The following EYA1 variants were observed in gnomAD, a reference collection of about 807,000 sequenced individuals.
The protein encoded by EYA1 is protein phosphatase EYA1.
EYA1 carries 16 observed loss-of-function variants against 82.0 expected under a neutral mutation model. That is an observed-to-expected ratio of 0.20 (90% CI 0.13 to 0.30). The LOEUF (loss-of-function observed/expected upper bound fraction) is 0.30, where lower values mean the gene tolerates loss of function less well. Ranked by LOEUF, EYA1 falls within the 10% of genes least tolerant of loss-of-function variation. The probability of loss-of-function intolerance (pLI) is 1.00; values close to 1 mark genes in which losing one functional copy is unlikely to be tolerated. For missense variants in EYA1, 633 were observed against 730.7 expected (o/e 0.87, Z 1.54); for synonymous variants, 261 against 264.4 (o/e 0.99, Z 0.12).
chr8:71,375,662 C>T (rs948207901), intron 2 of EYA1, among the ~76,000 whole-genome samples: 4 of 151,992 alleles, frequency 2.6e-5, no homozygotes, highest in Non-Finnish European at 4.4e-5. Context: ...GAGTTTTGTT[C>T]TTGTCGTCCA....
intron 3 of EYA1, among the ~76,000 whole-genome samples, chr8:71,343,489 A>T (rs1310203873): frequency 6.6e-6 from 1 of 152,144 alleles, no homozygotes; most frequent in Non-Finnish European, 1.5e-5. Flanking sequence ...AGGAGAGGGA[A>T]ACTGGCGGCT....
intron 9 of EYA1, among the ~76,000 whole-genome samples, chr8:71,282,888 C>A (rs1296378027): frequency 6.6e-6 from 1 of 151,152 alleles, no homozygotes; most frequent in Non-Finnish European, 1.5e-5. Context: ...ACAGACAGCT[C>A]AAACTTCACA....
chr8:71,278,559 C>T (rs945469796), intron 9 of EYA1, among the ~76,000 whole-genome samples: 5 of 152,162 alleles, frequency 3.3e-5, no homozygotes, highest in African/African-American at 1.2e-4. Flanking sequence ...ATTATATTCC[C>T]TCTGTGAACA....
chr8:71,419,282 C>T (rs747771405), intron 2 of EYA1, among the ~76,000 whole-genome samples: 29 of 152,100 alleles, frequency 1.9e-4, no homozygotes, highest in Non-Finnish European at 3.8e-4. Flanking sequence ...TACATCTTAG[C>T]CATATCATAT....
At chr8:71,485,898 GT>G (rs1810532178) in intron 2 of EYA1, among the ~76,000 whole-genome samples, 1 of 152,138 alleles carries the variant, frequency 6.6e-6, no homozygotes, top group African/African-American at 2.4e-5. Context: ...ATAAAAAAAA[GT>G]TATGTTTGAT....
At chr8:71,285,254 A>G (rs1818239753) in intron 9 of EYA1, among the ~76,000 whole-genome samples, 1 of 152,248 alleles carries the variant, frequency 6.6e-6, no homozygotes, top group Admixed American at 6.5e-5. Flanking sequence ...AGTAACCTTT[A>G]TCAATATAAA....
intron 3 of EYA1, among the ~76,000 whole-genome samples, chr8:71,336,541 C>T (rs1824504427): frequency 6.6e-6 from 1 of 152,146 alleles, no homozygotes; most frequent in South Asian, 2.1e-4. Context: ...TTTCTGTACC[C>T]CTAAAATTGA....
chr8:71,344,113 T>C (rs538174988), intron 3 of EYA1, among the ~76,000 whole-genome samples: 2 of 152,178 alleles, frequency 1.3e-5, no homozygotes, highest in Non-Finnish European at 2.9e-5. Flanking sequence ...TAACTAGAGT[T>C]CATATTTATT....
In EYA1 at chr8:71,286,265, C is replaced by T. The variant is rs145181995; in HGVS notation, c.826+12782G>A. Among the ~76,000 whole-genome samples, 258 of 152,320 alleles carry T rather than the reference C, an allele frequency of 1.7e-3. 1 individual carries two copies. The highest frequency in any genetic ancestry group is 5.7e-3 in the African/African-American group (237 of 41,564). ...TGGAAACACCTCACAGAACTGCTCA[C>T]TGAGGAATGCTACGGAATGCCAGGA... On this transcript the variant is annotated intron_variant, in intron 9 of 17. Coordinates refer to ENST00000340726, the MANE Select transcript of EYA1 (RefSeq NM_000503.6).
chr8:71,378,852 T>C (rs1828528712), intron 2 of EYA1, among the ~76,000 whole-genome samples: 1 of 152,152 alleles, frequency 6.6e-6, no homozygotes, highest in Non-Finnish European at 1.5e-5. Context: ...ACTCAATCCA[T>C]TAAACTTATG....
chr8:71,252,310 T>C (rs1179037163), intron 11 of EYA1, among the ~76,000 whole-genome samples: 1 of 151,974 alleles, frequency 6.6e-6, no homozygotes, highest in South Asian at 2.1e-4. Context: ...AAATTCAAAT[T>C]TCTGAAGTGC....
In EYA1 at chr8:71,223,234, G is replaced by A. The variant is rs143079005; in HGVS notation, c.1141-6211C>T. ...ACGGATTAGGCCACCGTCATGGCAGGGGAAGCTGAAAAGAGGGCAGATGGC... is the reference window on the plus strand; with the variant it reads ...ACGGATTAGGCCACCGTCATGGCAGAGGAAGCTGAAAAGAGGGCAGATGGC... On this transcript the variant is annotated intron_variant, in intron 12 of 17. Coordinates refer to ENST00000340726, the MANE Select transcript of EYA1 (RefSeq NM_000503.6). Among the ~76,000 whole-genome samples the A allele has an allele frequency of 3.0e-3, 454 of 152,266 alleles. 1 individual carries two copies. Among genetic ancestry groups the A allele is most frequent in the Non-Finnish European group, 5.1e-3 (349 of 68,026 alleles).
chr8:71,284,226 C>T (rs1211817355), intron 9 of EYA1, among the ~76,000 whole-genome samples: 1 of 152,214 alleles, frequency 6.6e-6, no homozygotes, highest in South Asian at 2.1e-4. Flanking sequence ...CAGAGCTTGG[C>T]TGCTTGGGTG....
chr8:71,440,147 T>A (rs531334803), intron 2 of EYA1, among the ~76,000 whole-genome samples: 1 of 152,086 alleles, frequency 6.6e-6, no homozygotes, highest in Admixed American at 6.5e-5. Flanking sequence ...ATAATGGAGG[T>A]GTGACGCAAC....
chr8:71,427,051 CAG>C (rs1454692067), intron 2 of EYA1, among the ~76,000 whole-genome samples: 1 of 152,214 alleles, frequency 6.6e-6, no homozygotes, highest in Admixed American at 6.5e-5. Flanking sequence ...TGATTTCTAA[CAG>C]AGTATGAAGC....
chr8:71,547,926 T>C (rs1284795702), exon 1 of EYA1: 1 of 151,632 alleles, frequency 6.6e-6, no homozygotes, highest in African/African-American at 2.4e-5. Context: ...AAACCGAAAA[T>C]GGGTAACAGA....
At chr8:71,288,696 T>C (rs1204627921) in intron 9 of EYA1, among the ~76,000 whole-genome samples, 1 of 152,224 alleles carries the variant, frequency 6.6e-6, no homozygotes, top group Non-Finnish European at 1.5e-5. Flanking sequence ...GAAGCTATTT[T>C]CTCACAGAAA....
intron 9 of EYA1, among the ~76,000 whole-genome samples, 194 bp downstream of exon 9, chr8:71,298,853 C>T (rs1563420969): frequency 6.6e-6 from 1 of 152,026 alleles, no homozygotes; most frequent in African/African-American, 2.4e-5. Flanking sequence ...TGTTTATATA[C>T]TTTATTTTAA....
rs139738184 is a variant in EYA1 at position 71,223,638 on chromosome 8, G to A, written c.1141-6615C>T. 4.9e-3 allele frequency among the ~76,000 whole-genome samples: 753 copies of A among 152,262 alleles called. 12 individuals are homozygous for A. The South Asian group carries it at 0.053, about 11-fold the overall frequency. The stretch of plus-strand genomic sequence containing the variant: ...ACAGCCATGCGGCAAATGCACATTC[G>A]CTCTTGGAACTCTGGTTGCACTGTT... On this transcript the variant is annotated intron_variant, in intron 12 of 17. Transcript: ENST00000340726.
Sources: allele counts gnomAD v4.1 joint callset (sites outside exome capture counted in the v4.1 genomes callset), GRCh38; gene constraint gnomAD v4.1.1; transcripts MANE v1.5; gene names NCBI Gene and HGNC (gene_info 2026-07-23, HGNC 2026-07-21).